The following PRDM9 variants were observed in gnomAD, a reference collection of about 807,000 sequenced individuals.
PRDM9 encodes PR/SET domain 9.
Under a neutral mutation model 55.6 loss-of-function variants are expected in PRDM9, and 47 were observed. The observed-to-expected ratio is 0.85, with a 90% CI of 0.67 to 1.08. PRDM9 has a LOEUF of 1.08. Among genes scored for constraint, PRDM9 ranks in the 50% least tolerant of loss-of-function variants. The pLI is 0.00. For missense variants in PRDM9, 867 were observed against 1,040.3 expected, an observed-to-expected ratio of 0.83 and a Z score of 2.29; for synonymous variants, 312 against 375.7, an observed-to-expected ratio of 0.83 and a Z score of 1.96.
rs200775234 is a variant in PRDM9, at chr5:23,527,321, G to T, written c.2233G>T (p.Glu745Ter). 1 of 1,536,810 alleles carries T rather than the reference G, an allele frequency of 6.5e-7. No homozygotes were observed. Among genetic ancestry groups the T allele is most frequent in the East Asian group, 2.4e-5 (1 of 41,878 alleles). The change falls in exon 11 of 11, where the codon GAG becomes TAG. Residue 745 changes from glutamate to a stop codon, truncating the protein, a stop_gained. Transcript: ENST00000296682. LOFTEE classifies it low-confidence loss of function (END_TRUNC). ...CAGACACCAGAGGACACACACAGGG[G>T]AGAAGCCCTATGTCTGCAGGGAGTG... ...LLRHQRTHTG[E>*]KPYVCRECGR... is the part of the protein sequence containing the mutation.
chr5:23,519,723 A>G (rs1301817328), intron 5 of PRDM9, among the ~76,000 whole-genome samples: 1 of 151,822 alleles, frequency 6.6e-6, no homozygotes, highest in African/African-American at 2.4e-5. Flanking sequence ...TTTGGTGAAC[A>G]TTATTATCTT....
rs1211366170 is a variant in PRDM9, at chr5:23,508,962, T to C, written c.-72T>C. 6.4e-7 allele frequency: 1 copy of C among 1,565,144 alleles called. No individual in the cohort carries two copies. Among genetic ancestry groups the C allele is most frequent in the African/African-American group, 1.4e-5 (1 of 73,628 alleles). The stretch of plus-strand genomic sequence containing the variant: ...TCTCCTTCCACAGGAGCCTTTGGCC[T>C]AGGAGCTGGGAGACTCAGGGCCCTT... On this transcript the variant is annotated 5_prime_UTR_variant, in exon 2 of 11. Transcript: ENST00000296682.
At chr5:23,516,245 T>A (rs1739206964) in intron 4 of PRDM9, among the ~76,000 whole-genome samples, 1 of 152,252 alleles carries the variant, frequency 6.6e-6, no homozygotes, top group Non-Finnish European at 1.5e-5. Flanking sequence ...AGTTTATTTG[T>A]AATTATTCTA....
At position 23,524,514 on chromosome 5, in the gene PRDM9, C is replaced by T. The variant is rs371239254; in HGVS notation, c.1131C>T (p.Leu377=). The change falls in exon 10 of 11, where the codon CTC becomes CTT. Residue 377 remains leucine, a synonymous_variant. Coordinates refer to ENST00000296682, the MANE Select transcript of PRDM9 (RefSeq NM_020227.4). ...GGGGCAGCAAGTGGAAGAAAGAGCT[C>T]ATGGCAGGGAGAGGTAGGCATCACT... is the stretch of plus-strand genomic sequence containing the variant. ...IKWGSKWKKE[L]MAGREPKPEI... 6.8e-6 allele frequency: 11 copies of T among 1,613,716 alleles called. No individual in the cohort carries two copies. Among genetic ancestry groups the T allele is most frequent in the African/African-American group, 2.7e-5 (2 of 74,864 alleles).
rs1739034757 is a variant in PRDM9 at position 23,508,976 on chromosome 5, C to T, written c.-58C>T. 1 of 1,597,294 alleles carries T rather than the reference C, an allele frequency of 6.3e-7. No individual in the cohort carries two copies. The highest frequency in any genetic ancestry group is 1.3e-5 in the African/African-American group (1 of 74,404). On this transcript the variant is annotated 5_prime_UTR_variant, in exon 2 of 11. Transcript: ENST00000296682. ...AGCCTTTGGCCTAGGAGCTGGGAGA[C>T]TCAGGGCCCTTCTCACACTCAGAAT...
At chr5:23,509,344 G>T in intron 2 of PRDM9, 126 bp from the exon 3 acceptor site, 1 of 1,525,422 alleles carries the variant, frequency 6.6e-7, no homozygotes, top group South Asian at 1.1e-5. Context: ...GGAGAAGGAG[G>T]GAAGATCTTT....
In PRDM9 at chr5:23,509,511, G is replaced by A. The variant is rs1205875757; in HGVS notation, c.111G>A (p.Lys37=). 1.2e-6 allele frequency: 2 copies of A among 1,614,006 alleles called. No homozygotes were observed. The highest frequency in any genetic ancestry group is 1.7e-6 in the Non-Finnish European group (2 of 1,180,042). ...AAGACATTTCCATATACTTCACCAA[G>A]GAAGAATGGGCAGAGATGGGAGACT... ...AFKDISIYFT[K]EEWAEMGDWE... The change falls in exon 3 of 11, where the codon AAG becomes AAA. Residue 37 remains lysine, a synonymous_variant. Coordinates refer to ENST00000296682, the MANE Select transcript of PRDM9 (RefSeq NM_020227.4).
rs1579594148 is a variant in PRDM9, at chr5:23,522,300, C to T, written c.509-4C>T. 1.2e-6 allele frequency: 2 copies of T among 1,610,550 alleles called. No homozygotes were observed. ...TTTTACCCGTCTACTCTTCTCCAACCTAGAACTCAGGAAGAAGGAGACTGA... is the reference window on the plus strand; with the variant it reads ...TTTTACCCGTCTACTCTTCTCCAACTTAGAACTCAGGAAGAAGGAGACTGA... On this transcript the variant is annotated splice_region_variant and splice_polypyrimidine_tract_variant and intron_variant, in intron 6 of 10. Transcript: ENST00000296682.
At chr5:23,524,589 C>T (rs967817058) in intron 10 of PRDM9, 62 bp downstream of exon 10, 1 of 1,607,776 alleles carries the variant, frequency 6.2e-7, no homozygotes, top group African/African-American at 1.3e-5. Flanking sequence ...AGAGAATTTT[C>T]ATGGTTTAAC....
chr5:23,515,563 G>T (rs1238968767), intron 4 of PRDM9, among the ~76,000 whole-genome samples: 2 of 152,050 alleles, frequency 1.3e-5, no homozygotes, highest in African/African-American at 2.4e-5. Context: ...TTATGCTTTT[G>T]GTGTCATATA....
At position 23,526,571 on chromosome 5, in the gene PRDM9, G is replaced by T. The variant is rs1739438909; in HGVS notation, c.1483G>T (p.Glu495Ter). 1 of 1,614,190 alleles carries T rather than the reference G, an allele frequency of 6.2e-7. No homozygotes were observed. The highest frequency in any genetic ancestry group is 8.5e-7 in the Non-Finnish European group (1 of 1,180,014). Residue 495 changes from glutamate (E) to a stop codon, truncating the protein, a stop_gained, in exon 11 of 11, where the codon GAA becomes TAA. Transcript: ENST00000296682. LOFTEE classifies it low-confidence loss of function (END_TRUNC). ...GSCRVGKRIMEEESRTGQKVN... is the reference protein window; with the variant it reads ...GSCRVGKRIM The stretch of plus-strand genomic sequence containing the variant: ...CTGTAGAGTGGGAAAAAGAATAATG[G>T]AAGAAGAGTCCAGAACAGGCCAGAA...
chr5:23,527,930 A>C lies in PRDM9; in HGVS notation c.*157A>C. The C allele has an allele frequency of 3.1e-6, 3 of 968,818 alleles. No individual in the cohort carries two copies. The highest frequency in any genetic ancestry group is 4.7e-6 in the Non-Finnish European group (3 of 637,032). The allele number at this position is 968,818 out of a possible 1,614,324, so 60.0% of individuals were successfully genotyped here. A position where few individuals can be genotyped will look rare whatever the true frequency, so the allele number is the denominator to read the frequency against. On this transcript the variant is annotated 3_prime_UTR_variant, in exon 11 of 11. Coordinates refer to ENST00000296682, the MANE Select transcript of PRDM9 (RefSeq NM_020227.4). ...GAGATCGGAAATAACTGATTAAACAAATCCGCCACTTTCATGACTAGAGAT... is the reference window on the plus strand; with the variant it reads ...GAGATCGGAAATAACTGATTAAACACATCCGCCACTTTCATGACTAGAGAT...
In PRDM9 at chr5:23,526,595, A is replaced by G. The variant is rs1416053295; in HGVS notation, c.1507A>G (p.Lys503Glu). ...IMEEESRTGQKVNPGNTGKLF... is the reference protein window; with the variant it reads ...IMEEESRTGQEVNPGNTGKLF... ...GGAAGAAGAGTCCAGAACAGGCCAG[A>G]AAGTGAATCCAGGGAACACAGGCAA... The change falls in exon 11 of 11, where the codon AAA becomes GAA. Residue 503 changes from lysine (K) to glutamate (E), a missense_variant. Lys to Glu is a moderately conservative substitution (Grantham distance 56). Transcript: ENST00000296682. 2 of 1,614,258 alleles carry G rather than the reference A, an allele frequency of 1.2e-6. No individual in the cohort carries two copies.
At chr5:23,522,178 A>AG in intron 6 of PRDM9, 126 bp from the exon 7 acceptor site, 2 of 843,818 alleles carry the variant, frequency 2.4e-6, no homozygotes, top group Non-Finnish European at 4.1e-6. Flanking sequence ...CAGTAGTTAA[A>AG]GAGGGGGACA....
At chr5:23,519,780 A>G (rs1739290399) in intron 5 of PRDM9, among the ~76,000 whole-genome samples, 1 of 151,946 alleles carries the variant, frequency 6.6e-6, no homozygotes, top group African/African-American at 2.4e-5. Flanking sequence ...GCAGTGGCTT[A>G]CACCTGTAAT....
chr5:23,516,599 C>A (rs969750400), intron 4 of PRDM9, among the ~76,000 whole-genome samples: 2 of 151,718 alleles, frequency 1.3e-5, no homozygotes, highest in Admixed American at 6.6e-5. Flanking sequence ...GTCTCGATCT[C>A]CTGACCTCGT....
Position 23,519,415 on chromosome 5 carries a change from C to A in PRDM9, c.351+1485C>A, listed in dbSNP as rs1273065939. Among the ~76,000 whole-genome samples the A allele has an allele frequency of 4.6e-5, 7 of 152,002 alleles. No homozygotes were observed. The East Asian group carries it at 1.4e-3, about 30-fold the overall frequency. ...CAGAGTTTCACTCTTGTCACCCAGG[C>A]TGGAGTGCAGTGGAGTGATCTCGGC... On this transcript the variant is annotated intron_variant, in intron 5 of 10. Transcript: ENST00000296682.
At position 23,520,124 on chromosome 5, in the gene PRDM9, G is replaced by T. The variant is rs147347993; in HGVS notation, c.352-899G>T. On this transcript the variant is annotated intron_variant, in intron 5 of 10. Transcript: ENST00000296682. ...TCATGCCTATAATCCCAGCACTTTGGGAGGTTGAGGTGGGTGGATCACTTG... is the reference window on the plus strand; with the variant it reads ...TCATGCCTATAATCCCAGCACTTTGTGAGGTTGAGGTGGGTGGATCACTTG... Among the ~76,000 whole-genome samples, 1,466 of 150,994 alleles carry T rather than the reference G, an allele frequency of 9.7e-3. 17 individuals are homozygous for T. The highest frequency in any genetic ancestry group is 0.033 in the South Asian group (158 of 4,756).
Position 23,527,639 on chromosome 5 carries a change from C to T in PRDM9, c.2551C>T (p.Gln851Ter), listed in dbSNP as rs373686049. 16 of 1,518,772 alleles carry T rather than the reference C, an allele frequency of 1.1e-5. No individual in the cohort carries two copies. The highest frequency in any genetic ancestry group is 1.4e-5 in the Non-Finnish European group (16 of 1,124,856). The allele number at this position is 1,518,772 out of a possible 1,614,324, so 94.1% of individuals were successfully genotyped here. A position where few individuals can be genotyped will look rare whatever the true frequency, so the allele number is the denominator to read the frequency against. The change falls in exon 11 of 11, where the codon CAG becomes TAG. Residue 851 changes from glutamine to a stop codon, truncating the protein, a stop_gained. Coordinates refer to ENST00000296682, the MANE Select transcript of PRDM9 (RefSeq NM_020227.4). LOFTEE classifies it low-confidence loss of function (END_TRUNC). ...FRNKSHLLRH[Q>*]RTHTGEKPYV... ...CAATAAGTCACACCTCCTCAGACAC[C>T]AGAGGACACACACAGGGGAGAAGCC...
Sources: allele counts gnomAD v4.1 joint callset (sites outside exome capture counted in the v4.1 genomes callset), GRCh38; gene constraint gnomAD v4.1.1; transcripts MANE v1.5; gene names NCBI Gene and HGNC (gene_info 2026-07-23, HGNC 2026-07-21).